The following PABPC4 variants were observed in gnomAD, a reference collection of about 807,000 sequenced individuals.
The protein encoded by PABPC4 is polyadenylate-binding protein 4.
A neutral mutation model predicts 74.5 loss-of-function variants in PABPC4; 15 were observed. The ratio of observed to expected loss-of-function variants is 0.20; its 90% CI spans 0.13 to 0.31. The LOEUF (loss-of-function observed/expected upper bound fraction) is 0.31. Among genes scored for constraint, PABPC4 ranks in the 10% least tolerant of loss-of-function variants. The probability of loss-of-function intolerance (pLI) is 1.00; values close to 1 mark genes in which losing one functional copy is unlikely to be tolerated. For synonymous variants in PABPC4, 345 were observed against 303.0 expected (o/e 1.14, Z -1.44); for missense variants, 610 against 853.5 (o/e 0.71, Z 3.55).
intron 12 of PABPC4, chr1:39,563,292 A>G: frequency 3.6e-6 from 1 of 277,196 alleles, no homozygotes; most frequent in Non-Finnish European, 6.8e-6. Context: ...AGAGCAGCCA[A>G]GGATCCAATA....
chr1:39,571,469 C>T, intron 2 of PABPC4, 120 bp from the exon 3 acceptor site: 2 of 1,153,040 alleles, frequency 1.7e-6, no homozygotes, highest in Admixed American at 2.1e-5. Context: ...TGGTCAAGTA[C>T]ACCAGTATAA....
Position 39,563,659 on chromosome 1 carries a change from G to A in PABPC4, c.1623C>T (p.Tyr541=), listed in dbSNP as rs755770938. The change falls in exon 12 of 16, where the codon TAC becomes TAT. Residue 541 remains tyrosine (Y), a synonymous_variant. Transcript: ENST00000372858. ...GATGAGGGCTGCGGACACTGGAGGC[G>A]TATTTGTAGGGGGCAACAGCCCGGG... ...AAPRAVAPYK[Y]ASSVRSPHPA... is the part of the protein sequence containing the mutation. 105 of 1,614,144 alleles carry A rather than the reference G, an allele frequency of 6.5e-5. No individual in the cohort carries two copies. The highest frequency in any genetic ancestry group is 7.9e-5 in the Non-Finnish European group (93 of 1,180,048).
chr1:39,564,389 C>G, intron 10 of PABPC4, 34 bp downstream of exon 10: 1 of 1,609,294 alleles, frequency 6.2e-7, no homozygotes, highest in Non-Finnish European at 8.5e-7. Flanking sequence ...CTCCCTCCTC[C>G]CCAGGCCACA....
chr1:39,569,619 G>T lies in PABPC4; in HGVS notation c.714C>A (p.Tyr238Ter). ...CCTTATTGGCATCCTCGTGTTTTTC[G>T]TAACTCACAAAGCCAAAGCCTTTGG... ...GKSKGFGFVS[Y>*]EKHEDANKAV... is the part of the protein sequence containing the mutation. Residue 238 changes from tyrosine (Y) to a stop codon, truncating the protein, a stop_gained, in exon 5 of 16, where the codon TAC becomes TAA. Transcript: ENST00000372858. LOFTEE classifies it high-confidence loss of function. 6.2e-7 allele frequency: 1 copy of T among 1,613,854 alleles called. No individual in the cohort carries two copies. Among genetic ancestry groups the T allele is most frequent in the Non-Finnish European group, 8.5e-7 (1 of 1,179,830 alleles).
chr1:39,568,748 C>G (rs1263189591), intron 6 of PABPC4, 54 bp downstream of exon 6: 1 of 1,558,172 alleles, frequency 6.4e-7, no homozygotes, highest in East Asian at 2.2e-5. Flanking sequence ...TAGGGGTGTT[C>G]TGCAAATATT....
At chr1:39,575,690 G>C (rs948868642) in intron 1 of PABPC4, 69 bp downstream of exon 1, 7 of 1,301,604 alleles carry the variant, frequency 5.4e-6, no homozygotes, top group Non-Finnish European at 7.3e-6. Context: ...CGGCAGGAGG[G>C]CCCTGCCAGA....
At position 39,570,488 on chromosome 1, in the gene PABPC4, G is replaced by A. The variant is rs185558505; in HGVS notation, c.504-486C>T. On this transcript the variant is annotated intron_variant, in intron 3 of 15. Transcript: ENST00000372858. Reference sequence around the variant, plus strand: ...TTTGTATTTCTTTTTAGTGATATCTGTAGATCAACCACTGCACACACAGAC... The same window carrying A: ...TTTGTATTTCTTTTTAGTGATATCTATAGATCAACCACTGCACACACAGAC... 1.5e-3 allele frequency: 233 copies of A among 156,146 alleles called. 1 individual carries two copies. Among genetic ancestry groups the A allele is most frequent in the Non-Finnish European group, 2.7e-3 (189 of 70,658 alleles). The allele number at this position is 156,146 out of a possible 1,614,324, so 9.7% of individuals were successfully genotyped here.
chr1:39,563,685 G>GAGCAGCAGC lies in PABPC4; in HGVS notation c.1588_1596dup (p.Ala530_Ala532dup), dbSNP rs759084730. Reference sequence around the variant, plus strand: ...TATTTGTAGGGGGCAACAGCCCGGGGAGCAGCAGCAGCAACAGCAGCGCGT... The same window carrying GAGCAGCAGC: ...TATTTGTAGGGGGCAACAGCCCGGGGAGCAGCAGCAGCAGCAGCAGCAACAGCAGCGCGT... On this transcript the variant is annotated inframe_insertion, in exon 12 of 16. Transcript: ENST00000372858. The GAGCAGCAGC allele has an allele frequency of 3.3e-5, 54 of 1,614,156 alleles. 1 individual carries two copies. The East Asian group carries it at 4.7e-4, about 14-fold the overall frequency.
intron 15 of PABPC4, 149 bp from the exon 16 acceptor site, chr1:39,561,271 T>C (rs1030685386): frequency 5.2e-6 from 2 of 386,560 alleles, no homozygotes; most frequent in African/African-American, 4.2e-5. Flanking sequence ...TCTGTCCTCC[T>C]GTGTACTGTA....
At chr1:39,564,215 C>CCAT in intron 10 of PABPC4, 1 of 647,054 alleles carries the variant, frequency 1.5e-6, no homozygotes, top group Non-Finnish European at 2.6e-6. Context: ...CATAGGTCAC[C>CCAT]GATGAGCAAA....
rs1646029062 is a variant in PABPC4 at position 39,576,521 on chromosome 1, G to C, written c.-570C>G. ...GCGGGGCTCGGGGCCCGAGCGGGGG[G>C]AGGGCACGGCGGGCCGGGCGGGCGG... On this transcript the variant is annotated 5_prime_UTR_variant, in exon 1 of 16. Coordinates refer to ENST00000372858, the MANE Select transcript of PABPC4 (RefSeq NM_001135653.2). 6.7e-6 allele frequency: 1 copy of C among 149,914 alleles called. No individual in the cohort carries two copies. The highest frequency in any genetic ancestry group is 1.5e-5 in the Non-Finnish European group (1 of 67,122). 9.3% of individuals were successfully genotyped at this position (149,914 alleles called of 1,614,324 possible). A position where few individuals can be genotyped will look rare whatever the true frequency, so the allele number is the denominator to read the frequency against.
chr1:39,561,698 C>G lies in PABPC4; in HGVS notation c.1983G>C (p.Ter661TyrextTer20). 1 of 1,611,920 alleles carries G rather than the reference C, an allele frequency of 6.2e-7. No homozygotes were observed. Among genetic ancestry groups the G allele is most frequent in the Middle Eastern group, 1.9e-4 (1 of 5,228 alleles). Residue 661 changes from the stop codon to tyrosine, a stop_lost, in exon 15 of 16, where the codon TAG becomes TAC. Transcript: ENST00000372858. ...KVGAVAAATS[*>Y] ...AGCCACACATACGGTTTTTCCTTGTCTAAGAGGTAGCAGCAGCAACAGCGC... is the reference window on the plus strand; with the variant it reads ...AGCCACACATACGGTTTTTCCTTGTGTAAGAGGTAGCAGCAGCAACAGCGC...
At chr1:39,567,261 C>A in intron 7 of PABPC4, 1 of 381,476 alleles carries the variant, frequency 2.6e-6, no homozygotes, top group Non-Finnish European at 5.2e-6. Flanking sequence ...AAATGATGCA[C>A]ACTACGAAAC....
chr1:39,567,858 A>T lies in PABPC4; in HGVS notation c.877-12T>A. 6.9e-7 allele frequency: 1 copy of T among 1,449,528 alleles called. No homozygotes were observed. Among genetic ancestry groups the T allele is most frequent in the South Asian group, 1.1e-5 (1 of 87,320 alleles). 89.8% of individuals were successfully genotyped at this position (1,449,528 alleles called of 1,614,324 possible). A position where few individuals can be genotyped will look rare whatever the true frequency, so the allele number is the denominator to read the frequency against. ...TAGAGATTCACCCCCTGAAGGAAAA[A>T]GATCACTGTTAACTACACTTCTATA... On this transcript the variant is annotated splice_polypyrimidine_tract_variant and intron_variant, in intron 6 of 15. Coordinates refer to ENST00000372858, the MANE Select transcript of PABPC4 (RefSeq NM_001135653.2).
chr1:39,571,784 G>A, intron 2 of PABPC4: 1 of 357,460 alleles, frequency 2.8e-6, no homozygotes, highest in Non-Finnish European at 5.5e-6. Context: ...GAGGTGGGAG[G>A]ATGGCTTGAG....
At position 39,572,585 on chromosome 1, in the gene PABPC4, A is replaced by G. The variant is rs1645956037; in HGVS notation, c.195T>C (p.Ala65=). 6.2e-7 allele frequency: 1 copy of G among 1,611,238 alleles called. No homozygotes were observed. Among genetic ancestry groups the G allele is most frequent in the South Asian group, 1.1e-5 (1 of 90,940 alleles). Residue 65 remains alanine (A), a splice_region_variant and synonymous_variant, in exon 2 of 16, where the codon GCT becomes GCC. Transcript: ENST00000372858. ...AYVNFQQPAD[A]ERALDTMNFD... The stretch of plus-strand genomic sequence containing the variant: ...AGTTCATGGTGTCCAAAGCCCGCTC[A>G]GCTGTAAGAGAGAAACACATTTCAA...
At position 39,563,896 on chromosome 1, in the gene PABPC4, T is replaced by C. The variant is rs374622889; in HGVS notation, c.1480A>G (p.Met494Val). 10 of 1,614,036 alleles carry C rather than the reference T, an allele frequency of 6.2e-6. No homozygotes were observed. Among genetic ancestry groups the C allele is most frequent in the African/African-American group, 2.7e-5 (2 of 74,922 alleles). The change falls in exon 11 of 16, where the codon ATG becomes GTG. Residue 494 changes from methionine to valine, a missense_variant. Around this residue, in one of 4 missense-constraint regions of PABPC4, gnomAD observed 277 missense variants for 301.8 expected, o/e 0.92. Coordinates refer to ENST00000372858, the MANE Select transcript of PABPC4 (RefSeq NM_001135653.2). ...VGSECPDRLAMDFGGAGAAQQ... is the reference protein window; with the variant it reads ...VGSECPDRLAVDFGGAGAAQQ... Reference sequence around the variant, plus strand: ...GCGGCACCAGCCCCACCAAAGTCCATAGCCAAGCGGTCCGGGCACTCAGAC... The same window carrying C: ...GCGGCACCAGCCCCACCAAAGTCCACAGCCAAGCGGTCCGGGCACTCAGAC...
chr1:39,572,316 T>C, intron 2 of PABPC4, 77 bp downstream of exon 2: 3 of 1,115,060 alleles, frequency 2.7e-6, no homozygotes, highest in South Asian at 1.5e-5. Flanking sequence ...AATTCCAAGA[T>C]AGTTCTCTGT....
intron 10 of PABPC4, chr1:39,564,221 G>A: frequency 3.0e-6 from 2 of 657,164 alleles, no homozygotes; most frequent in Non-Finnish European, 5.1e-6. Context: ...TCACCGATGA[G>A]CAAAGAATGT....
Sources: allele counts gnomAD v4.1 joint callset, GRCh38; gene constraint gnomAD v4.1.1; regional missense constraint gnomAD v4.1.1; transcripts MANE v1.5; gene names NCBI Gene and HGNC (gene_info 2026-07-23, HGNC 2026-07-21).